Variants in ZNF484 observed in about 807,000 individuals in gnomAD.
ZNF484 encodes zinc finger protein 484.
A neutral mutation model predicts 12.9 loss-of-function variants in ZNF484; 11 were observed. That is an observed-to-expected ratio of 0.85 (90% CI 0.54 to 1.41). The LOEUF is 1.41. ZNF484 is among the 40% of genes most tolerant of loss of function. The pLI is 0.00. For synonymous variants in ZNF484, 289 were observed against 334.1 expected, an observed-to-expected ratio of 0.86 and a Z score of 1.47; for missense variants, 807 against 1,007.7, an observed-to-expected ratio of 0.80 and a Z score of 2.70.
At chr9:92,876,580 C>T (rs1274001224) in intron 1 of ZNF484, among the ~76,000 whole-genome samples, 1 of 151,918 alleles carries the variant, frequency 6.6e-6, no homozygotes, top group Non-Finnish European at 1.5e-5. Context: ...ACGTGGAATT[C>T]GATGTTAAAA....
intron 4 of ZNF484, among the ~76,000 whole-genome samples, chr9:92,855,553 A>T (rs182038754): frequency 6.6e-6 from 1 of 152,334 alleles, no homozygotes; most frequent in Admixed American, 6.5e-5. Context: ...AGAGTGTGAC[A>T]TGATCCAAAG....
At chr9:92,850,475 C>A (rs985191146) in intron 4 of ZNF484, among the ~76,000 whole-genome samples, 1 of 152,196 alleles carries the variant, frequency 6.6e-6, no homozygotes, top group African/African-American at 2.4e-5. Context: ...ATATCTTAGT[C>A]ATCCTAACTT....
In ZNF484 at chr9:92,846,538, C is replaced by A; in HGVS notation, c.2249G>T (p.Cys750Phe). 6.2e-7 allele frequency: 1 copy of A among 1,614,056 alleles called. No homozygotes were observed. Among genetic ancestry groups the A allele is most frequent in the East Asian group, 2.2e-5 (1 of 44,866 alleles). Residue 750 changes from cysteine to phenylalanine, a missense_variant, in exon 5 of 5, where the codon TGC becomes TTC. Cys to Phe is a radical substitution (Grantham distance 205). Coordinates refer to ENST00000375495, the MANE Select transcript of ZNF484 (RefSeq NM_031486.4). The stretch of plus-strand genomic sequence containing the variant: ...AATGAAAGACTTGCCACAGTCACTG[C>A]ATTCATAGGGTTTCTCTCCAGTATG... Reference protein sequence around the residue: ...RIHTGEKPYECSDCGKSFIKK... With the variant: ...RIHTGEKPYEFSDCGKSFIKK...
In ZNF484 at chr9:92,871,215, C is replaced by A. The variant is rs1289283560; in HGVS notation, c.15+3800G>T. Among the ~76,000 whole-genome samples the A allele has an allele frequency of 2.6e-5, 4 of 152,054 alleles. No individual in the cohort carries two copies. In the East Asian group the frequency reaches 7.7e-4, roughly 29 times the overall value. On this transcript the variant is annotated intron_variant, in intron 2 of 4. Coordinates refer to ENST00000375495, the MANE Select transcript of ZNF484 (RefSeq NM_031486.4). Reference sequence around the variant, plus strand: ...TATGAACACACTTGAAACAAAAAAACTTCAACAAAGAAATAGAGAAGAGAT... The same window carrying A: ...TATGAACACACTTGAAACAAAAAAAATTCAACAAAGAAATAGAGAAGAGAT...
chr9:92,874,606 C>T (rs1246460997), intron 2 of ZNF484, among the ~76,000 whole-genome samples: 1 of 152,120 alleles, frequency 6.6e-6, no homozygotes, highest in East Asian at 1.9e-4. Flanking sequence ...GCCACCGCGC[C>T]TGGCCTGTTA....
Position 92,877,919 on chromosome 9 carries a change from G to C in ZNF484, c.-60C>G. ...CCCTCACCCACGTCCTCTCAGGACA[G>C]TGGTCATTTGCCTCGGGAGGTGACT... is the stretch of plus-strand genomic sequence containing the variant. On this transcript the variant is annotated 5_prime_UTR_variant, in exon 1 of 5. Transcript: ENST00000375495. 6.6e-7 allele frequency: 1 copy of C among 1,520,574 alleles called. No homozygotes were observed. Among genetic ancestry groups the C allele is most frequent in the Non-Finnish European group, 8.8e-7 (1 of 1,133,748 alleles). 94.2% of individuals were successfully genotyped at this position (1,520,574 alleles called of 1,614,324 possible).
intron 4 of ZNF484, among the ~76,000 whole-genome samples, chr9:92,853,007 A>G (rs765829645): frequency 1.3e-5 from 2 of 152,264 alleles, no homozygotes; most frequent in Non-Finnish European, 2.9e-5. Flanking sequence ...TTACAAACCT[A>G]CTGAGAGGAG....
rs561446417 is a variant in ZNF484, at chr9:92,875,431, A to T, written c.-30-372T>A. ...TCACTACCACTCTTCAATCTGCTCT[A>T]AGTGTCAATTGGTGCCCAGAGACTA... On this transcript the variant is annotated intron_variant, in intron 1 of 4. Transcript: ENST00000375495. Among the ~76,000 whole-genome samples the T allele has an allele frequency of 2.0e-5, 3 of 152,272 alleles. No individual in the cohort carries two copies. In the East Asian group the frequency reaches 5.8e-4, roughly 29 times the overall value.
At chr9:92,862,274 G>C (rs1220076393) in intron 2 of ZNF484, 3 of 351,036 alleles carry the variant, frequency 8.5e-6, no homozygotes, top group Non-Finnish European at 1.2e-5. Context: ...AAGATGTTGA[G>C]AACTTTATGT....
At chr9:92,877,809 C>A in intron 1 of ZNF484, 81 bp downstream of exon 1, 1 of 1,535,852 alleles carries the variant, frequency 6.5e-7, no homozygotes, top group Non-Finnish European at 8.7e-7. Context: ...CTGACCGACC[C>A]CATCACTGAC....
At position 92,847,695 on chromosome 9, in the gene ZNF484, GT is replaced by G. The variant is rs745934593; in HGVS notation, c.1091del (p.Asn364ThrfsTer36). The G allele has an allele frequency of 5.0e-6, 8 of 1,613,346 alleles. No homozygotes were observed. In the South Asian group the frequency reaches 8.8e-5, roughly 18 times the overall value. On this transcript the variant is annotated frameshift_variant, in exon 5 of 5. Coordinates refer to ENST00000375495, the MANE Select transcript of ZNF484 (RefSeq NM_031486.4). LOFTEE classifies it low-confidence loss of function (END_TRUNC). ...TATTAAGGTTTGAATTCTGAGGGAG[GT>G]TTTTCTCACATTCACTGTACTCATA... The part of the protein sequence containing the change: ...KPYEYSECEK[N>X]LPQNSNLNIH...
intron 2 of ZNF484, among the ~76,000 whole-genome samples, chr9:92,860,662 T>C (rs1587748558): frequency 6.8e-6 from 1 of 146,250 alleles, no homozygotes; most frequent in Admixed American, 6.8e-5. Flanking sequence ...ATACTTGAGG[T>C]GAAAACTACA....
In ZNF484 at chr9:92,847,529, C is replaced by G. The variant is rs1855734674; in HGVS notation, c.1258G>C (p.Ala420Pro). The change falls in exon 5 of 5, where the codon GCC becomes CCC. Residue 420 changes from alanine to proline, a missense_variant. Physicochemically the swap from Ala to Pro is conservative, Grantham distance 27. Transcript: ENST00000375495. ...KPYVCTECGK[A>P]FIRKSHFITH... ...ATAAAATGTGACTTCCGGATAAAGG[C>G]CTTCCCACATTCAGTACATACATAA... 6.2e-7 allele frequency: 1 copy of G among 1,613,616 alleles called. No individual in the cohort carries two copies. The highest frequency in any genetic ancestry group is 8.5e-7 in the Non-Finnish European group (1 of 1,179,858).
chr9:92,865,889 G>A (rs955619029), intron 2 of ZNF484, among the ~76,000 whole-genome samples: 2 of 152,170 alleles, frequency 1.3e-5, no homozygotes, highest in African/African-American at 4.8e-5. Flanking sequence ...ACTCAGCTTG[G>A]GTGACAGAGC....
Position 92,845,994 on chromosome 9 carries a change from C to T in ZNF484, c.*234G>A. ...GTCAATATTGAATAGTTGTGGTACC[C>T]AGAACATGAAAAACTCAACAGCCAT... On this transcript the variant is annotated 3_prime_UTR_variant, in exon 5 of 5. Coordinates refer to ENST00000375495, the MANE Select transcript of ZNF484 (RefSeq NM_031486.4). The surrounding 1 kb of genome is among the most constrained non-coding windows in gnomAD (Gnocchi z 4.0). 1 of 527,898 alleles carries T rather than the reference C, an allele frequency of 1.9e-6. No individual in the cohort carries two copies. 32.7% of individuals were successfully genotyped at this position (527,898 alleles called of 1,614,324 possible).
intron 4 of ZNF484, among the ~76,000 whole-genome samples, chr9:92,850,509 C>T (rs1856001971): frequency 6.6e-6 from 1 of 152,100 alleles, no homozygotes; most frequent in South Asian, 2.1e-4. Context: ...AATTTATATA[C>T]ATTTGTTATA....
chr9:92,848,345 C>G lies in ZNF484; in HGVS notation c.442G>C (p.Ala148Pro). Reference protein sequence around the residue: ...RVVFINKKTLANDSIFEYKDI... With the variant: ...RVVFINKKTLPNDSIFEYKDI... ...TTATATTCAAAGATGCTGTCATTAG[C>G]TAGTGTTTTCTTGTTAATGAAGACA... Residue 148 changes from alanine to proline, a missense_variant, in exon 5 of 5, where the codon GCT (alanine) becomes CCT (proline). Transcript: ENST00000375495. The surrounding 1 kb of genome is among the most constrained non-coding windows in gnomAD (Gnocchi z 4.1). 1 of 1,614,048 alleles carries G rather than the reference C, an allele frequency of 6.2e-7. No homozygotes were observed. The highest frequency in any genetic ancestry group is 8.5e-7 in the Non-Finnish European group (1 of 1,180,020).
intron 1 of ZNF484, 82 bp downstream of exon 1, chr9:92,877,808 C>A: frequency 6.5e-7 from 1 of 1,535,830 alleles, no homozygotes. Context: ...ACTGACCGAC[C>A]CCATCACTGA....
chr9:92,845,349 T>C lies in ZNF484; in HGVS notation c.*879A>G, dbSNP rs980861798. The C allele has an allele frequency of 6.6e-6, 1 of 152,212 alleles. No homozygotes were observed. Among genetic ancestry groups the C allele is most frequent in the African/African-American group, 2.4e-5 (1 of 41,456 alleles). 9.4% of individuals were successfully genotyped at this position (152,212 alleles called of 1,614,324 possible). ...AACAAAATTAATTAAGATTAGTTTG[T>C]AGAGATTGTGAGGAGATAAAAGGAG... is the stretch of plus-strand genomic sequence containing the variant. On this transcript the variant is annotated 3_prime_UTR_variant, in exon 5 of 5. Coordinates refer to ENST00000375495, the MANE Select transcript of ZNF484 (RefSeq NM_031486.4). The surrounding 1 kb of genome is among the most constrained non-coding windows in gnomAD (Gnocchi z 4.0).
Sources: gnomAD v4.1 joint callset for allele counts (sites outside exome capture counted in the v4.1 genomes callset) on GRCh38, gnomAD v4.1.1 for gene constraint, Gnocchi (gnomAD v3.1) non-coding constraint, MANE v1.5 for transcripts, NCBI Gene and HGNC (gene_info 2026-07-23, HGNC 2026-07-21) for gene names.